The following OSGIN1 variants were observed in gnomAD, a reference collection of about 807,000 sequenced individuals.
OSGIN1 encodes oxidative stress induced growth inhibitor 1.
In OSGIN1, 19 loss-of-function variants were observed where a neutral mutation model predicts 20.1. That is an observed-to-expected ratio of 0.95 (90% CI 0.66 to 1.39). OSGIN1 has a LOEUF of 1.39. Among genes scored for constraint, OSGIN1 ranks in the 40% most tolerant of loss-of-function variants. The pLI, the probability that OSGIN1 is intolerant of heterozygous loss-of-function variation, is 0.00. For missense variants in OSGIN1, 820 were observed against 653.0 expected (o/e 1.26, Z -2.79); for synonymous variants, 368 against 297.8 (o/e 1.24, Z -2.43).
In OSGIN1 at chr16:83,960,203, A is replaced by C. The variant is rs187870754; in HGVS notation, c.205-366A>C. On this transcript the variant is annotated intron_variant, in intron 3 of 5. Coordinates refer to ENST00000393306, the MANE Select transcript of OSGIN1 (RefSeq NM_182981.3). Reference sequence around the variant, plus strand: ...CACACTGGGTTTGGCAAAATTAAACAGGTAAATGATGGCTGCAGGACTTGT... The same window carrying C: ...CACACTGGGTTTGGCAAAATTAAACCGGTAAATGATGGCTGCAGGACTTGT... 8.5e-4 allele frequency among the ~76,000 whole-genome samples: 130 copies of C among 152,342 alleles called. No individual in the cohort carries two copies. The Middle Eastern group carries it at 0.01, about 12-fold the overall frequency.
chr16:83,962,399 C>T (rs538006907), intron 5 of OSGIN1, among the ~76,000 whole-genome samples: 4 of 152,234 alleles, frequency 2.6e-5, no homozygotes, highest in East Asian at 1.9e-4. Context: ...CCACCACACC[C>T]GGCTAATTAT....
chr16:83,961,037 C>A lies in OSGIN1; in HGVS notation c.453C>A (p.Asp151Glu). Residue 151 changes from aspartate to glutamate, a missense_variant, in exon 5 of 6, where the codon GAC becomes GAA. Asp to Glu is a conservative substitution (Grantham distance 45). Coordinates refer to ENST00000393306, the MANE Select transcript of OSGIN1 (RefSeq NM_182981.3). ...AAGGCCAGTGGATGGGGCTCCCGGA[C>A]CTGGAGGTCAAGGACTGGATGCAGA... Reference protein sequence around the residue: ...LSQGQWMGLPDLEVKDWMQKK... With the variant: ...LSQGQWMGLPELEVKDWMQKK... 6.2e-7 allele frequency: 1 copy of A among 1,613,550 alleles called. No individual in the cohort carries two copies. Among genetic ancestry groups the A allele is most frequent in the Non-Finnish European group, 8.5e-7 (1 of 1,180,000 alleles).
chr16:83,965,692 C>T lies in OSGIN1; in HGVS notation c.1119C>T (p.Cys373=). 2 of 1,613,658 alleles carry T rather than the reference C, an allele frequency of 1.2e-6. No individual in the cohort carries two copies. Among genetic ancestry groups the T allele is most frequent in the South Asian group, 2.2e-5 (2 of 91,086 alleles). Residue 373 remains cysteine, a synonymous_variant, in exon 6 of 6, where the codon TGC becomes TGT. Transcript: ENST00000393306. ...AGCTGCTGTGCTTCAAGGAAGACTGCCAGGCCGTGTTCCAGGACCTCGAGG... is the reference window on the plus strand; with the variant it reads ...AGCTGCTGTGCTTCAAGGAAGACTGTCAGGCCGTGTTCCAGGACCTCGAGG... ...RHQLLCFKED[C]QAVFQDLEGV...
chr16:83,959,472 A>G (rs951391790), intron 3 of OSGIN1, 76 bp downstream of exon 3: 2 of 1,392,602 alleles, frequency 1.4e-6, no homozygotes, highest in Non-Finnish European at 9.8e-7. Flanking sequence ...TCCCAGGGAA[A>G]AACAAAAGTG....
Position 83,954,792 on chromosome 16 carries a change from G to A in OSGIN1, c.-33+1422G>A, listed in dbSNP as rs1053294457. 4.6e-5 allele frequency: 45 copies of A among 976,768 alleles called. 1 individual carries two copies. The highest frequency in any genetic ancestry group is 1.0e-3 in the Middle Eastern group (2 of 1,910). 60.5% of individuals were successfully genotyped at this position (976,768 alleles called of 1,614,324 possible). The stretch of plus-strand genomic sequence containing the variant: ...GTCCTCTGCTGCCTGCAAAGGGTGG[G>A]AAGGGGCAGCCAGTTCTGATTCCTC... On this transcript the variant is annotated intron_variant, in intron 1 of 5. Coordinates refer to ENST00000393306, the MANE Select transcript of OSGIN1 (RefSeq NM_182981.3).
rs371530657 is a variant in OSGIN1, at chr16:83,965,295, A to G, written c.722A>G (p.Asn241Ser). ...CAGCCCTTCTCGCTGTGGGCCCGCA[A>G]CGTGGTCCTCGCCACAGGCACGTTC... ...AQQPFSLWAR[N>S]VVLATGTFDS... The change falls in exon 6 of 6, where the codon AAC (asparagine) becomes AGC (serine). Residue 241 changes from asparagine (N) to serine (S), a missense_variant. Physicochemically the swap from Asn to Ser is conservative, Grantham distance 46 (BLOSUM62 1). Transcript: ENST00000393306. The G allele has an allele frequency of 3.6e-5, 57 of 1,600,162 alleles. No individual in the cohort carries two copies. Among genetic ancestry groups the G allele is most frequent in the Non-Finnish European group, 4.8e-5 (56 of 1,172,710 alleles).
chr16:83,960,302 T>C (rs191530315), intron 3 of OSGIN1, among the ~76,000 whole-genome samples: 10 of 152,302 alleles, frequency 6.6e-5, no homozygotes, highest in African/African-American at 2.2e-4. Flanking sequence ...CTGACCACAC[T>C]GATATTAGGG....
At chr16:83,953,906 C>T (rs1320121480) in intron 1 of OSGIN1, among the ~76,000 whole-genome samples, 20 of 152,210 alleles carry the variant, frequency 1.3e-4, no homozygotes, top group Admixed American at 1.3e-3. Context: ...TGCAGGAGAC[C>T]CTGGGCTCCA....
intron 1 of OSGIN1, chr16:83,954,463 A>T (rs566420703): frequency 1.3e-5 from 2 of 152,382 alleles, no homozygotes; most frequent in Admixed American, 6.5e-5. Context: ...TAAAAAGATA[A>T]CATTAAAAAT....
chr16:83,953,583 C>G (rs550883884), intron 1 of OSGIN1, among the ~76,000 whole-genome samples: 2 of 152,340 alleles, frequency 1.3e-5, no homozygotes, highest in South Asian at 4.1e-4. Flanking sequence ...TGTCCCTGTC[C>G]AGGTGCCTGG....
At chr16:83,961,111 T>C in intron 5 of OSGIN1, 39 bp downstream of exon 5, 1 of 1,527,332 alleles carries the variant, frequency 6.5e-7, no homozygotes, top group Non-Finnish European at 9.1e-7. Flanking sequence ...ACACGGAAGG[T>C]TGGGCCTGTG....
In OSGIN1 at chr16:83,965,092, G is replaced by A. The variant is rs749721574; in HGVS notation, c.519G>A (p.Gly173=). ...RGLRNSRATA[G]DIAHYYRDYV... is the part of the protein sequence containing the mutation. ...TTCGCAACAGCCGGGCCACTGCCGGGGACATCGCCCACTACTACAGGGACT... is the reference window on the plus strand; with the variant it reads ...TTCGCAACAGCCGGGCCACTGCCGGAGACATCGCCCACTACTACAGGGACT... The change falls in exon 6 of 6, where the codon GGG becomes GGA. Residue 173 remains glycine (G), a synonymous_variant. Transcript: ENST00000393306. The A allele has an allele frequency of 6.2e-7, 1 of 1,606,862 alleles. No individual in the cohort carries two copies. The highest frequency in any genetic ancestry group is 8.5e-7 in the Non-Finnish European group (1 of 1,175,050).
chr16:83,962,972 G>A (rs1258837054), intron 5 of OSGIN1, among the ~76,000 whole-genome samples: 2 of 152,128 alleles, frequency 1.3e-5, no homozygotes, highest in Admixed American at 6.5e-5. Flanking sequence ...CTGAATAAAG[G>A]AGTTCTAGTC....
Position 83,960,647 on chromosome 16 carries a change from C to T in OSGIN1, c.283C>T (p.Pro95Ser). Reference protein sequence around the residue: ...VALLFDALLRPDTDFGGNMKS... With the variant: ...VALLFDALLRSDTDFGGNMKS... ...CCTGCTCTTTGATGCCCTTCTACGC[C>T]CAGACACAGACTTTGGGGGAAACAT... The change falls in exon 4 of 6, where the codon CCA (proline) becomes TCA (serine). Residue 95 changes from proline (P) to serine (S), a missense_variant. By Grantham distance (74) the Pro-to-Ser change is moderately conservative. Transcript: ENST00000393306. The T allele has an allele frequency of 5.6e-6, 9 of 1,613,604 alleles. No homozygotes were observed. Among genetic ancestry groups the T allele is most frequent in the Non-Finnish European group, 7.6e-6 (9 of 1,180,026 alleles).
At chr16:83,961,547 G>C (rs1187407272) in intron 5 of OSGIN1, among the ~76,000 whole-genome samples, 1 of 152,164 alleles carries the variant, frequency 6.6e-6, no homozygotes, top group African/African-American at 2.4e-5. Flanking sequence ...TTAGTGATTT[G>C]GGGGATTTCA....
intron 1 of OSGIN1, among the ~76,000 whole-genome samples, chr16:83,956,115 T>C (rs574623356): frequency 6.6e-6 from 1 of 152,290 alleles, no homozygotes; most frequent in African/African-American, 2.4e-5. Flanking sequence ...TGCAACCTCC[T>C]TGCAAACTGT....
rs140509674 is a variant in OSGIN1, at chr16:83,965,425, C to G, written c.852C>G (p.Ala284=). ...CAAGGGTGGGTGCGGTGACCCCGGC[C>G]TCAGACCCTGTCCTCATCATTGGCG... ...AATRVGAVTP[A]SDPVLIIGAG... Residue 284 remains alanine (A), a synonymous_variant, in exon 6 of 6, where the codon GCC becomes GCG. Transcript: ENST00000393306. The G allele has an allele frequency of 4.9e-4, 769 of 1,583,950 alleles. 2 individuals carry two copies. The highest frequency in any genetic ancestry group is 5.9e-4 in the Non-Finnish European group (695 of 1,168,360).
At chr16:83,957,531 C>T (rs1006496102) in intron 1 of OSGIN1, 109 bp from the exon 2 acceptor site, 1 of 672,238 alleles carries the variant, frequency 1.5e-6, no homozygotes, top group Admixed American at 2.2e-5. Flanking sequence ...GGACCCCGGA[C>T]CAGACCCTGA....
chr16:83,955,863 C>T (rs1445367017), intron 1 of OSGIN1, among the ~76,000 whole-genome samples: 3 of 152,274 alleles, frequency 2.0e-5, no homozygotes, highest in Non-Finnish European at 2.9e-5. Context: ...AGGAGGTCTT[C>T]GGTGCTGGGC....
Sources: gnomAD v4.1 joint callset for allele counts (sites outside exome capture counted in the v4.1 genomes callset) on GRCh38, gnomAD v4.1.1 for gene constraint, MANE v1.5 for transcripts, NCBI Gene and HGNC (gene_info 2026-07-23, HGNC 2026-07-21) for gene names.